DPF3: variants seen among roughly 807,000 people sequenced by gnomAD.
The protein encoded by DPF3 is zinc finger protein DPF3.
A neutral mutation model predicts 56.8 loss-of-function variants in DPF3; 18 were observed. The ratio of observed to expected loss-of-function variants is 0.32; its 90% CI spans 0.22 to 0.47. The LOEUF is 0.47. Ranked by LOEUF, DPF3 falls within the 20% of genes least tolerant of loss-of-function variation. The pLI is 1.00. For missense variants in DPF3, 403 were observed against 488.8 expected (o/e 0.82, Z 1.65); for synonymous variants, 188 against 180.2 (o/e 1.04, Z -0.35).
intron 1 of DPF3, among the ~76,000 whole-genome samples, chr14:72,774,533 A>G (rs1733579449): frequency 6.6e-6 from 1 of 152,220 alleles, no homozygotes; most frequent in Non-Finnish European, 1.5e-5. Flanking sequence ...TCAGGTTCTA[A>G]CAAAGAGCTT....
chr14:72,864,476 T>C lies in DPF3; in HGVS notation c.32+29581A>G, dbSNP rs143060382. On this transcript the variant is annotated intron_variant, in intron 1 of 10. Transcript: ENST00000556509. Reference sequence around the variant, plus strand: ...ACTGCCATATCCCCAGCACCTACAGTGCTTGGCACTTAGTGAGAGCTCAAT... The same window carrying C: ...ACTGCCATATCCCCAGCACCTACAGCGCTTGGCACTTAGTGAGAGCTCAAT... Among the ~76,000 whole-genome samples, 847 of 152,352 alleles carry C rather than the reference T, an allele frequency of 5.6e-3. 3 individuals are homozygous for C. Among genetic ancestry groups the C allele is most frequent in the Middle Eastern group, 0.014 (4 of 294 alleles).
intron 8 of DPF3, among the ~76,000 whole-genome samples, chr14:72,649,666 G>C (rs918829079): frequency 7.7e-6 from 1 of 129,598 alleles, no homozygotes; most frequent in Non-Finnish European, 1.6e-5. Flanking sequence ...TGGGTGGGGG[G>C]GGGGATTAAT....
chr14:72,892,988 G>T (rs957226925), intron 1 of DPF3, among the ~76,000 whole-genome samples: 1 of 149,606 alleles, frequency 6.7e-6, no homozygotes, highest in Non-Finnish European at 1.5e-5. Flanking sequence ...AGGAAGGAAG[G>T]AAGGAAGGAA....
At chr14:72,822,478 G>GA (rs1325479266) in intron 1 of DPF3, among the ~76,000 whole-genome samples, 2 of 151,644 alleles carry the variant, frequency 1.3e-5, no homozygotes, top group East Asian at 3.9e-4. Context: ...TTTGAAGGGA[G>GA]AAAAAAATAA....
Position 72,746,412 on chromosome 14 carries a change from G to A in DPF3, c.301+6852C>T, listed in dbSNP as rs150364950. Among the ~76,000 whole-genome samples, 502 of 152,334 alleles carry A rather than the reference G, an allele frequency of 3.3e-3. 4 individuals carry two copies. The highest frequency in any genetic ancestry group is 0.011 in the African/African-American group (461 of 41,578). ...CATTCTGGGAGCCAGGTGCAGCCCC[G>A]GCTGTTCAGACTCAGAAGAGGATTG... On this transcript the variant is annotated intron_variant, in intron 3 of 10. Transcript: ENST00000556509.
At chr14:72,777,808 G>A (rs1891806196) in intron 1 of DPF3, among the ~76,000 whole-genome samples, 1 of 152,116 alleles carries the variant, frequency 6.6e-6, no homozygotes, top group South Asian at 2.1e-4. Flanking sequence ...ATGATTGTAA[G>A]TTTCCTGAGG....
chr14:72,789,657 T>C (rs1234371567), intron 1 of DPF3, among the ~76,000 whole-genome samples: 1 of 152,268 alleles, frequency 6.6e-6, no homozygotes, highest in South Asian at 2.1e-4. Flanking sequence ...GCTACCCCAG[T>C]AGCTAGGACT....
At chr14:72,882,863 C>T (rs1886372529) in intron 1 of DPF3, among the ~76,000 whole-genome samples, 2 of 152,136 alleles carry the variant, frequency 1.3e-5, no homozygotes, top group African/African-American at 4.8e-5. Context: ...CAGTCAGCCT[C>T]CTGGTTTGCT....
chr14:72,832,772 A>G (rs1884114209), intron 1 of DPF3, among the ~76,000 whole-genome samples: 1 of 152,200 alleles, frequency 6.6e-6, no homozygotes, highest in African/African-American at 2.4e-5. Context: ...CTCTATCCAT[A>G]TTAGTATTTG....
chr14:72,787,818 G>T (rs995858324), intron 1 of DPF3, among the ~76,000 whole-genome samples: 3 of 152,220 alleles, frequency 2.0e-5, no homozygotes, highest in Non-Finnish European at 4.4e-5. Flanking sequence ...GTGGGGTGCA[G>T]GTCCGGGGCC....
chr14:72,861,838 T>C (rs1007155726), intron 1 of DPF3, among the ~76,000 whole-genome samples: 1 of 151,590 alleles, frequency 6.6e-6, no homozygotes, highest in Non-Finnish European at 1.5e-5. Context: ...ATTTTCAATT[T>C]TTCTTACTTT....
intron 2 of DPF3, among the ~76,000 whole-genome samples, chr14:72,753,930 T>A (rs114871903): frequency 6.6e-6 from 1 of 151,040 alleles, no homozygotes; most frequent in African/African-American, 2.4e-5. Flanking sequence ...CATGAGAACA[T>A]AAACCCACTC....
intron 2 of DPF3, among the ~76,000 whole-genome samples, chr14:72,754,436 T>C (rs1458409782): frequency 2.0e-5 from 3 of 152,232 alleles, no homozygotes; most frequent in African/African-American, 4.8e-5. Flanking sequence ...GAATCAGAAC[T>C]GTGCCTGACA....
intron 1 of DPF3, among the ~76,000 whole-genome samples, chr14:72,845,913 T>C (rs886678754): frequency 3.9e-5 from 6 of 152,072 alleles, no homozygotes; most frequent in Non-Finnish European, 8.8e-5. Flanking sequence ...CCCTTGTCAG[T>C]GCAGCACCCG....
chr14:72,856,810 C>T (rs977141621), intron 1 of DPF3, among the ~76,000 whole-genome samples: 1 of 152,130 alleles, frequency 6.6e-6, no homozygotes, highest in African/African-American at 2.4e-5. Flanking sequence ...TAGCTCTGTG[C>T]GGAGGGGCTG....
chr14:72,836,491 C>A, intron 1 of DPF3: 1 of 985,526 alleles, frequency 1.0e-6, no homozygotes, highest in Non-Finnish European at 1.2e-6. Flanking sequence ...GAAACTAGGT[C>A]TTCCCTTGGG....
chr14:72,703,152 A>C (rs538506989), intron 6 of DPF3, among the ~76,000 whole-genome samples: 2 of 152,266 alleles, frequency 1.3e-5, no homozygotes, highest in East Asian at 1.9e-4. Context: ...GAGGCTGGCT[A>C]CATCCACCTC....
At chr14:72,749,014 G>C (rs903814923) in intron 3 of DPF3, among the ~76,000 whole-genome samples, 1 of 152,248 alleles carries the variant, frequency 6.6e-6, no homozygotes, top group African/African-American at 2.4e-5. Flanking sequence ...GCACCACCTA[G>C]CGGAGCTGTG....
rs2153565251 is a variant in DPF3, at chr14:72,614,884, C to T, written c.*4413G>A. ...ACATCCAGCTCTCTGCCTTTTTCCA[C>T]CAGAGATCCTCACCCCTCCCAAATG... On this transcript the variant is annotated 3_prime_UTR_variant, in exon 11 of 11. Coordinates refer to ENST00000556509, the MANE Select transcript of DPF3 (RefSeq NM_001280542.3). 6.6e-6 allele frequency among the ~76,000 whole-genome samples: 1 copy of T among 152,002 alleles called. No individual in the cohort carries two copies. The highest frequency in any genetic ancestry group is 1.9e-4 in the East Asian group (1 of 5,146).
Sources: allele counts gnomAD v4.1 joint callset (sites outside exome capture counted in the v4.1 genomes callset), GRCh38; gene constraint gnomAD v4.1.1; transcripts MANE v1.5; gene names NCBI Gene and HGNC (gene_info 2026-07-23, HGNC 2026-07-21).